PRDM16: variants seen among roughly 807,000 people sequenced by gnomAD.
PRDM16 encodes histone-lysine N-methyltransferase PRDM16.
In PRDM16, 23 loss-of-function variants were observed where a neutral mutation model predicts 110.6. That is an observed-to-expected ratio of 0.21 (90% CI 0.15 to 0.29). The LOEUF (loss-of-function observed/expected upper bound fraction) is 0.29. PRDM16 is among the 10% of genes least tolerant of loss of function. PRDM16 has a pLI of 1.00. For missense variants in PRDM16, 1,615 were observed against 1,794.3 expected, an observed-to-expected ratio of 0.90 and a Z score of 1.81; for synonymous variants, 799 against 781.8, an observed-to-expected ratio of 1.02 and a Z score of -0.37.
intron 2 of PRDM16, among the ~76,000 whole-genome samples, chr1:3,234,896 T>C (rs1639504952): frequency 6.6e-6 from 1 of 152,246 alleles, no homozygotes; most frequent in African/African-American, 2.4e-5. Flanking sequence ...CGGGCCTGCC[T>C]GTAATAACTG....
chr1:3,349,489 C>T (rs1642435174), intron 3 of PRDM16, among the ~76,000 whole-genome samples: 1 of 152,186 alleles, frequency 6.6e-6, no homozygotes, highest in African/African-American at 2.4e-5. Context: ...TCGGCGCAGC[C>T]ACTGGGTGCC....
At chr1:3,136,068 G>A (rs775441372) in intron 1 of PRDM16, among the ~76,000 whole-genome samples, 46 of 149,290 alleles carry the variant, frequency 3.1e-4, no homozygotes, top group Non-Finnish European at 6.0e-4. Flanking sequence ...AGGCTGGGGC[G>A]GGGCTGGGGG....
intron 2 of PRDM16, among the ~76,000 whole-genome samples, chr1:3,204,811 A>G (rs1638714653): frequency 6.6e-6 from 1 of 152,170 alleles, no homozygotes; most frequent in Non-Finnish European, 1.5e-5. Context: ...CAAAAACGAA[A>G]TGGTTAAAAA....
intron 2 of PRDM16, among the ~76,000 whole-genome samples, chr1:3,240,449 A>G (rs1242760698): frequency 6.6e-6 from 1 of 151,640 alleles, no homozygotes; most frequent in African/African-American, 2.4e-5. Context: ...AAGAAAGAAA[A>G]GAGAAGTAGG....
At chr1:3,299,310 A>C (rs2455141) in intron 3 of PRDM16, among the ~76,000 whole-genome samples, 13,448 of 80,908 alleles carry the variant, frequency 0.17, 1,315 homozygotes, top group East Asian at 0.23. Context: ...ATGATGTTTC[A>C]GATCCCAGTC....
chr1:3,122,362 GC>G (rs1643113227), intron 1 of PRDM16, among the ~76,000 whole-genome samples: 1 of 152,112 alleles, frequency 6.6e-6, no homozygotes, highest in Non-Finnish European at 1.5e-5. Flanking sequence ...GGGGTGAGGA[GC>G]CCCCGGAATG....
At chr1:3,142,051 A>G (rs779788204) in intron 1 of PRDM16, among the ~76,000 whole-genome samples, 1 of 152,242 alleles carries the variant, frequency 6.6e-6, no homozygotes, top group Non-Finnish European at 1.5e-5. Context: ...TGCCAAGCAC[A>G]CCCATCCACC....
Position 3,425,824 on chromosome 1 carries a change from C to T in PRDM16, c.3109+74C>T. 1.3e-6 allele frequency: 2 copies of T among 1,567,860 alleles called. No individual in the cohort carries two copies. Among genetic ancestry groups the T allele is most frequent in the Non-Finnish European group, 8.7e-7 (1 of 1,147,272 alleles). Reference sequence around the variant, plus strand: ...CCCCACAGAGGGGGAGGGGGAACAGCAGGGGAGTGGGCGCCGGGCAGGGAA... The same window carrying T: ...CCCCACAGAGGGGGAGGGGGAACAGTAGGGGAGTGGGCGCCGGGCAGGGAA... On this transcript the variant is annotated intron_variant, in intron 13 of 16. Transcript: ENST00000270722. The surrounding 1 kb of genome is among the most constrained non-coding windows in gnomAD (Gnocchi z 6.9).
At chr1:3,193,010 G>A (rs368684967) in intron 2 of PRDM16, among the ~76,000 whole-genome samples, 3 of 152,240 alleles carry the variant, frequency 2.0e-5, no homozygotes, top group East Asian at 3.9e-4. Context: ...GCCAGACAGC[G>A]AGTACCCAGC....
In PRDM16 at chr1:3,425,104, G is replaced by C. The variant is rs912414730; in HGVS notation, c.2940-477G>C. 5 of 147,378 alleles carry C rather than the reference G, an allele frequency of 3.4e-5. No individual in the cohort carries two copies. The highest frequency in any genetic ancestry group is 1.3e-4 in the African/African-American group (5 of 39,378). 9.1% of individuals were successfully genotyped at this position (147,378 alleles called of 1,614,324 possible). ...TTTTTTTTTTTTTTTTTGAGATGGA[G>C]TCTCGCTCTGTCGCCCAGGCTGGAG... is the stretch of plus-strand genomic sequence containing the variant. On this transcript the variant is annotated intron_variant, in intron 12 of 16. Coordinates refer to ENST00000270722, the MANE Select transcript of PRDM16 (RefSeq NM_022114.4). This position sits in a 1 kb window ranked among gnomAD's most constrained non-coding sequence, Gnocchi z 6.9.
intron 2 of PRDM16, among the ~76,000 whole-genome samples, chr1:3,219,040 G>C (rs575653477): frequency 1.3e-5 from 2 of 152,316 alleles, no homozygotes; most frequent in South Asian, 4.1e-4. Context: ...GAGAGCTGCA[G>C]GGGAGAGGCG....
chr1:3,221,228 C>G (rs1292248060), intron 2 of PRDM16, among the ~76,000 whole-genome samples: 1 of 152,244 alleles, frequency 6.6e-6, no homozygotes, highest in Non-Finnish European at 1.5e-5. Context: ...CTCCGCTCTT[C>G]AGGGAAACAG....
At chr1:3,286,174 C>G (rs1252394607) in intron 3 of PRDM16, among the ~76,000 whole-genome samples, 1 of 152,204 alleles carries the variant, frequency 6.6e-6, no homozygotes, top group East Asian at 1.9e-4. Context: ...CTTTGCTCCC[C>G]TGAAGGAAAT....
chr1:3,345,214 G>T (rs1453825330), intron 3 of PRDM16, among the ~76,000 whole-genome samples: 1 of 152,134 alleles, frequency 6.6e-6, no homozygotes, highest in South Asian at 2.1e-4. Flanking sequence ...TTCCTTCAAG[G>T]GTTCAGTTCC....
intron 3 of PRDM16, among the ~76,000 whole-genome samples, chr1:3,342,898 A>G (rs997114617): frequency 6.6e-6 from 1 of 152,156 alleles, no homozygotes; most frequent in Non-Finnish European, 1.5e-5. Flanking sequence ...TGTCCTAGGC[A>G]TGGGCGTTTT....
chr1:3,248,639 C>T (rs548276888), intron 3 of PRDM16, among the ~76,000 whole-genome samples: 62 of 152,044 alleles, frequency 4.1e-4, no homozygotes, highest in African/African-American at 1.3e-3. Context: ...GAAGAGGGGC[C>T]GGTGATGGGT....
At position 3,395,120 on chromosome 1, in the gene PRDM16, G is replaced by A. The variant is rs7355116; in HGVS notation, c.574-1371G>A. ...TGTGACTTATGTGTGTCTTTTGAGA[G>A]TTCCTTGGTGTCATTCTGGAGTCAG... On this transcript the variant is annotated intron_variant, in intron 4 of 16. Coordinates refer to ENST00000270722, the MANE Select transcript of PRDM16 (RefSeq NM_022114.4). Among the ~76,000 whole-genome samples the A allele has an allele frequency of 8.0e-3, 1,221 of 152,308 alleles. 11 individuals are homozygous for A. Among genetic ancestry groups the A allele is most frequent in the African/African-American group, 0.028 (1,156 of 41,552 alleles).
rs374015321 is a variant in PRDM16, at chr1:3,414,651, C to G, written c.2691+4C>G. 1 of 1,611,336 alleles carries G rather than the reference C, an allele frequency of 6.2e-7. No individual in the cohort carries two copies. The highest frequency in any genetic ancestry group is 8.5e-7 in the Non-Finnish European group (1 of 1,178,584). ...CCCGCTGCTCTTCCACCCCCAGGTA[C>G]GTCCTCAGTGCAGGTCAGGGCGCCC... On this transcript the variant is annotated splice_donor_region_variant and intron_variant, in intron 10 of 16. Transcript: ENST00000270722.
chr1:3,090,869 C>T (rs1308049551), intron 1 of PRDM16, among the ~76,000 whole-genome samples: 3 of 152,198 alleles, frequency 2.0e-5, no homozygotes, highest in African/African-American at 7.2e-5. Context: ...CCTCAGGCTC[C>T]GAGCCGAAAG....
Sources: allele counts gnomAD v4.1 joint callset (sites outside exome capture counted in the v4.1 genomes callset), GRCh38; gene constraint gnomAD v4.1.1; non-coding constraint Gnocchi (gnomAD v3.1); transcripts MANE v1.5; gene names NCBI Gene and HGNC (gene_info 2026-07-23, HGNC 2026-07-21).